Variants in DSTN observed in about 807,000 individuals in gnomAD.
DSTN encodes destrin.
A neutral mutation model predicts 16.8 loss-of-function variants in DSTN; 10 were observed. The observed-to-expected ratio is 0.60, with a 90% CI of 0.37 to 1.01. The LOEUF (loss-of-function observed/expected upper bound fraction) is 1.01. Ranked by LOEUF, DSTN falls within the 50% of genes least tolerant of loss-of-function variation. The pLI, the probability that DSTN is intolerant of heterozygous loss-of-function variation, is 0.01. For synonymous variants in DSTN, 57 were observed against 58.9 expected, an observed-to-expected ratio of 0.97 and a Z score of 0.14; for missense variants, 141 against 196.7, an observed-to-expected ratio of 0.72 and a Z score of 1.69.
At chr20:17,574,560 T>TA (rs958277756) in intron 1 of DSTN, among the ~76,000 whole-genome samples, 8 of 151,876 alleles carry the variant, frequency 5.3e-5, no homozygotes, top group Middle Eastern at 6.8e-3. Context: ...AAAACTTCTC[T>TA]AAAAAATTAA....
intron 1 of DSTN, among the ~76,000 whole-genome samples, chr20:17,599,089 G>C (rs2035558383): frequency 6.6e-6 from 1 of 152,178 alleles, no homozygotes; most frequent in Non-Finnish European, 1.5e-5. Flanking sequence ...GAATAGATAA[G>C]GAAAATGTGG....
At chr20:17,574,828 CCTTT>C (rs745434534) in intron 1 of DSTN, among the ~76,000 whole-genome samples, 3 of 140,866 alleles carry the variant, frequency 2.1e-5, no homozygotes, top group Admixed American at 7.0e-5. Flanking sequence ...TCCTTTTTTT[CCTTT>C]CTTTTTTCTT....
intron 1 of DSTN, among the ~76,000 whole-genome samples, chr20:17,572,104 C>T (rs150727895): frequency 7.6e-4 from 115 of 152,300 alleles, no homozygotes; most frequent in African/African-American, 2.5e-3. Context: ...TGGTTAGATG[C>T]TTGGTTCCAA....
intron 1 of DSTN, among the ~76,000 whole-genome samples, chr20:17,579,474 T>C (rs988865548): frequency 6.6e-6 from 1 of 151,960 alleles, no homozygotes. Context: ...TCCCAGCTAC[T>C]TGGGAGGCTG....
In DSTN at chr20:17,570,085, A is replaced by G; in HGVS notation, c.-124A>G. 1.4e-6 allele frequency: 2 copies of G among 1,401,072 alleles called. No homozygotes were observed. The highest frequency in any genetic ancestry group is 9.4e-7 in the Non-Finnish European group (1 of 1,058,544). The allele number at this position is 1,401,072 out of a possible 1,614,324, so 86.8% of individuals were successfully genotyped here. ...TCCTGAGGCGCGCCCGCCCCGGGGTAAGCTCGCGCCGCCGCGTCAGCTCAG... is the reference window on the plus strand; with the variant it reads ...TCCTGAGGCGCGCCCGCCCCGGGGTGAGCTCGCGCCGCCGCGTCAGCTCAG... On this transcript the variant is annotated 5_prime_UTR_variant, in exon 1 of 4. Transcript: ENST00000246069.
intron 1 of DSTN, among the ~76,000 whole-genome samples, chr20:17,593,349 A>C (rs1453389957): frequency 6.6e-6 from 1 of 152,224 alleles, no homozygotes; most frequent in Non-Finnish European, 1.5e-5. Context: ...AGTCAAACTA[A>C]TGATTCATCT....
At chr20:17,571,568 T>C (rs78718845) in intron 1 of DSTN, among the ~76,000 whole-genome samples, 1,699 of 152,352 alleles carry the variant, frequency 0.011, 23 homozygotes, top group African/African-American at 0.038. Context: ...AATAACATTT[T>C]AAATGTATAT....
chr20:17,571,132 C>T (rs1568727287), intron 1 of DSTN, among the ~76,000 whole-genome samples: 1 of 152,216 alleles, frequency 6.6e-6, no homozygotes, highest in Non-Finnish European at 1.5e-5. Flanking sequence ...CACTGTCACT[C>T]TAATTAGCTA....
intron 1 of DSTN, among the ~76,000 whole-genome samples, chr20:17,595,620 GA>G (rs112935061): frequency 0.02 from 2,751 of 140,498 alleles, 62 homozygotes; most frequent in African/African-American, 0.058. Context: ...CGTCCATCTG[GA>G]AAAAAAAAAA....
chr20:17,589,687 G>A (rs1172991857), intron 1 of DSTN, among the ~76,000 whole-genome samples: 2 of 152,184 alleles, frequency 1.3e-5, no homozygotes, highest in Non-Finnish European at 2.9e-5. Context: ...ATTGGCCCTT[G>A]TGCAAGGCAT....
chr20:17,608,758 A>G lies in DSTN; in HGVS notation c.*1612A>G, dbSNP rs928950913. On this transcript the variant is annotated 3_prime_UTR_variant, in exon 4 of 4. Transcript: ENST00000246069. ...TAAATTCACATTTAAAATTTAGAAA[A>G]TAGAGAAAAGGGAAATTATACATTG... 6.6e-6 allele frequency: 1 copy of G among 152,220 alleles called. No homozygotes were observed. The highest frequency in any genetic ancestry group is 2.4e-5 in the African/African-American group (1 of 41,462). 9.4% of individuals were successfully genotyped at this position (152,220 alleles called of 1,614,324 possible). A position where few individuals can be genotyped will look rare whatever the true frequency, so the allele number is the denominator to read the frequency against.
chr20:17,589,876 GA>G (rs1600706327), intron 1 of DSTN, among the ~76,000 whole-genome samples: 2 of 152,206 alleles, frequency 1.3e-5, no homozygotes, highest in East Asian at 1.9e-4. Flanking sequence ...CTTTACCTTA[GA>G]AAAAAATTTT....
intron 1 of DSTN, among the ~76,000 whole-genome samples, chr20:17,585,595 C>G (rs1434532650): frequency 6.6e-6 from 1 of 152,032 alleles, no homozygotes; most frequent in Non-Finnish European, 1.5e-5. Flanking sequence ...GAAATTCACC[C>G]TTTCTGCTGT....
intron 2 of DSTN, among the ~76,000 whole-genome samples, chr20:17,601,273 T>C (rs954503609): frequency 6.6e-6 from 1 of 151,970 alleles, no homozygotes; most frequent in Non-Finnish European, 1.5e-5. Context: ...TTGTTTTTTT[T>C]TTCAATGGGG....
At chr20:17,591,077 C>T (rs2035463731) in intron 1 of DSTN, among the ~76,000 whole-genome samples, 1 of 152,226 alleles carries the variant, frequency 6.6e-6, no homozygotes, top group Admixed American at 6.5e-5. Flanking sequence ...CTCTGCACTC[C>T]AGCTAGGGCA....
rs905907518 is a variant in DSTN at position 17,609,336 on chromosome 20, T to C, written c.*2190T>C. On this transcript the variant is annotated 3_prime_UTR_variant, in exon 4 of 4. Transcript: ENST00000246069. ...CTCCTGCCTTGGCCTCCTAAAGTGC[T>C]GTGATTACAGGTGTGAGCCACTGTG... The C allele has an allele frequency of 4.6e-5, 7 of 152,284 alleles. No homozygotes were observed. The highest frequency in any genetic ancestry group is 1.4e-4 in the African/African-American group (6 of 41,448). The allele number at this position is 152,284 out of a possible 1,614,324, so 9.4% of individuals were successfully genotyped here.
rs369410163 is a variant in DSTN, at chr20:17,580,744, G to A, written c.3+10533G>A. On this transcript the variant is annotated intron_variant, in intron 1 of 3. Transcript: ENST00000246069. Reference sequence around the variant, plus strand: ...GCCTGGGGGACAAGAGTGAAACTCCGTCTCAAAAAAAAAAAAAAATGGGAA... The same window carrying A: ...GCCTGGGGGACAAGAGTGAAACTCCATCTCAAAAAAAAAAAAAAATGGGAA... Among the ~76,000 whole-genome samples the A allele has an allele frequency of 5.8e-4, 86 of 147,776 alleles. 1 individual carries two copies. The highest frequency in any genetic ancestry group is 3.2e-3 in the Admixed American group (48 of 14,888).
At chr20:17,606,434 GA>G (rs1320932694) in intron 3 of DSTN, among the ~76,000 whole-genome samples, 16 of 152,332 alleles carry the variant, frequency 1.1e-4, no homozygotes, top group African/African-American at 3.6e-4. Context: ...TACCATTGAA[GA>G]GCCAGCTGTT....
intron 1 of DSTN, 35 bp downstream of exon 1, chr20:17,570,246 C>A (rs1403357468): frequency 2.0e-6 from 3 of 1,483,442 alleles, no homozygotes; most frequent in Non-Finnish European, 2.7e-6. Flanking sequence ...TGGGCCGAGG[C>A]GGCCGGGAGC....
Sources: allele counts gnomAD v4.1 joint callset (sites outside exome capture counted in the v4.1 genomes callset), GRCh38; gene constraint gnomAD v4.1.1; transcripts MANE v1.5; gene names NCBI Gene and HGNC (gene_info 2026-07-23, HGNC 2026-07-21).